Variants in ANGPT1 observed in about 807,000 individuals in gnomAD.
ANGPT1 encodes angiopoietin-1.
ANGPT1 carries 17 observed loss-of-function variants against 62.2 expected under a neutral mutation model. The observed-to-expected ratio is 0.27, with a 90% CI of 0.19 to 0.41. ANGPT1 has a LOEUF of 0.41. Ranked by LOEUF, ANGPT1 falls within the 10% of genes least tolerant of loss-of-function variation. The probability of loss-of-function intolerance (pLI) is 1.00; values close to 1 mark genes in which losing one functional copy is unlikely to be tolerated. For missense variants in ANGPT1, 478 were observed against 594.9 expected, an observed-to-expected ratio of 0.80 and a Z score of 2.04; for synonymous variants, 199 against 198.9, an observed-to-expected ratio of 1.00 and a Z score of 0.00.
intron 4 of ANGPT1, 54 bp from the exon 5 acceptor site, chr8:107,303,421 C>G (rs1276976904): frequency 6.9e-7 from 1 of 1,445,746 alleles, no homozygotes; most frequent in East Asian, 2.3e-5. Flanking sequence ...CCATTAGTAG[C>G]CAAACTGACT....
At chr8:107,271,716 G>T (rs1166672828) in intron 7 of ANGPT1, among the ~76,000 whole-genome samples, 2 of 151,832 alleles carry the variant, frequency 1.3e-5, no homozygotes, top group Non-Finnish European at 2.9e-5. Flanking sequence ...ATGTAGTTAA[G>T]ATCTATGTTA....
intron 1 of ANGPT1, among the ~76,000 whole-genome samples, chr8:107,426,415 T>C (rs1327232418): frequency 6.6e-6 from 1 of 152,204 alleles, no homozygotes; most frequent in East Asian, 1.9e-4. Flanking sequence ...TTATTTGCAC[T>C]AAGTTACAGT....
chr8:107,288,979 A>G (rs1277896235), intron 6 of ANGPT1, among the ~76,000 whole-genome samples: 1 of 152,168 alleles, frequency 6.6e-6, no homozygotes, highest in Admixed American at 6.6e-5. Flanking sequence ...CTGATATTGA[A>G]AAAGCAGCAA....
intron 1 of ANGPT1, among the ~76,000 whole-genome samples, chr8:107,418,258 C>T (rs1180073632): frequency 3.3e-5 from 5 of 152,186 alleles, no homozygotes; most frequent in Non-Finnish European, 7.3e-5. Context: ...ACCCCCGTCA[C>T]CATTTTACCA....
At chr8:107,487,596 T>C (rs1586364365) in intron 1 of ANGPT1, among the ~76,000 whole-genome samples, 1 of 152,078 alleles carries the variant, frequency 6.6e-6, no homozygotes, top group Non-Finnish European at 1.5e-5. Context: ...CTAAAGAAAT[T>C]GATGGGGCTG....
intron 1 of ANGPT1, among the ~76,000 whole-genome samples, chr8:107,351,992 C>T (rs954509846): frequency 3.9e-5 from 6 of 152,098 alleles, no homozygotes; most frequent in African/African-American, 1.4e-4. Context: ...TAAACAGAGG[C>T]TCAGGGAAGT....
intron 1 of ANGPT1, among the ~76,000 whole-genome samples, chr8:107,466,852 C>T (rs1812212836): frequency 6.6e-6 from 1 of 151,958 alleles, no homozygotes; most frequent in African/African-American, 2.4e-5. Flanking sequence ...GCCGAGGTTG[C>T]AGTGAGCAGC....
At chr8:107,495,151 T>A (rs1813059445) in intron 1 of ANGPT1, among the ~76,000 whole-genome samples, 1 of 152,218 alleles carries the variant, frequency 6.6e-6, no homozygotes, top group South Asian at 2.1e-4. Flanking sequence ...CTTTGCTGAA[T>A]GCATTTTTTG....
intron 1 of ANGPT1, among the ~76,000 whole-genome samples, chr8:107,373,314 G>A (rs1033504142): frequency 6.6e-6 from 1 of 151,392 alleles, no homozygotes; most frequent in African/African-American, 2.4e-5. Context: ...GAGGAGATCT[G>A]AAGAAAACAT....
intron 2 of ANGPT1, among the ~76,000 whole-genome samples, chr8:107,343,907 A>C (rs934303261): frequency 7.2e-5 from 11 of 152,174 alleles, no homozygotes; most frequent in African/African-American, 2.6e-4. Flanking sequence ...ACAAAAAATA[A>C]GGAAGTTAGC....
intron 8 of ANGPT1, among the ~76,000 whole-genome samples, chr8:107,259,685 T>A (rs1039669608): frequency 6.6e-6 from 1 of 152,270 alleles, no homozygotes; most frequent in African/African-American, 2.4e-5. Context: ...GTTGGCAACC[T>A]TTAATAATTA....
At chr8:107,391,015 C>T (rs965117299) in intron 1 of ANGPT1, among the ~76,000 whole-genome samples, 2 of 152,094 alleles carry the variant, frequency 1.3e-5, no homozygotes, top group Non-Finnish European at 2.9e-5. Context: ...GTAATATTTG[C>T]TATCATTAAA....
At chr8:107,423,580 C>T (rs188290177) in intron 1 of ANGPT1, among the ~76,000 whole-genome samples, 78 of 152,220 alleles carry the variant, frequency 5.1e-4, no homozygotes, top group African/African-American at 1.7e-3. Flanking sequence ...TGAGAACACC[C>T]CCCGACTCCT....
At chr8:107,395,836 G>A (rs1252819284) in intron 1 of ANGPT1, among the ~76,000 whole-genome samples, 1 of 152,124 alleles carries the variant, frequency 6.6e-6, no homozygotes, top group Non-Finnish European at 1.5e-5. Flanking sequence ...GAAAAAGATA[G>A]GATGTACTTC....
intron 1 of ANGPT1, among the ~76,000 whole-genome samples, chr8:107,407,937 T>C (rs1169919545): frequency 1.3e-5 from 2 of 152,208 alleles, no homozygotes; most frequent in Non-Finnish European, 2.9e-5. Context: ...TCCTCCATTA[T>C]TATGAAAACT....
chr8:107,391,180 T>C (rs1816828035), intron 1 of ANGPT1, among the ~76,000 whole-genome samples: 1 of 152,128 alleles, frequency 6.6e-6, no homozygotes, highest in African/African-American at 2.4e-5. Flanking sequence ...GGCCCTAAGA[T>C]GTATATTTTC....
intron 1 of ANGPT1, among the ~76,000 whole-genome samples, chr8:107,386,686 T>A (rs1159269988): frequency 6.6e-6 from 1 of 152,126 alleles, no homozygotes; most frequent in African/African-American, 2.4e-5. Context: ...GTACGAATGA[T>A]AATTATACCT....
At chr8:107,346,066 G>A (rs987985379) in intron 2 of ANGPT1, among the ~76,000 whole-genome samples, 7 of 152,060 alleles carry the variant, frequency 4.6e-5, no homozygotes, top group Admixed American at 6.6e-5. Context: ...ATGTGTGCAC[G>A]GGAAGTTATG....
chr8:107,318,922 T>C (rs1307904692), intron 4 of ANGPT1, among the ~76,000 whole-genome samples: 1 of 152,142 alleles, frequency 6.6e-6, no homozygotes, highest in Non-Finnish European at 1.5e-5. Context: ...ACCTACCGGG[T>C]AGATATTATG....
Sources: allele counts gnomAD v4.1 joint callset (sites outside exome capture counted in the v4.1 genomes callset), GRCh38; gene constraint gnomAD v4.1.1; transcripts MANE v1.5; gene names NCBI Gene and HGNC (gene_info 2026-07-23, HGNC 2026-07-21).